EPHA7: variants seen among roughly 807,000 people sequenced by gnomAD.
EPHA7 encodes ephrin type-A receptor 7.
EPHA7 carries 25 observed loss-of-function variants against 112.6 expected under a neutral mutation model. The ratio of observed to expected loss-of-function variants is 0.22; its 90% confidence interval spans 0.16 to 0.31. The LOEUF (loss-of-function observed/expected upper bound fraction) is 0.31, where lower values mean the gene tolerates loss of function less well. Among genes scored for constraint, EPHA7 ranks in the 10% least tolerant of loss-of-function variants. EPHA7 has a pLI of 1.00. For missense variants in EPHA7, 962 were observed against 1,212.6 expected, an observed-to-expected ratio of 0.79 and a Z score of 3.07; for synonymous variants, 437 against 406.5, an observed-to-expected ratio of 1.07 and a Z score of -0.90.
At position 93,419,540 on chromosome 6, in the gene EPHA7, C is replaced by T; in HGVS notation, c.-199G>A. 3 of 470,940 alleles carry T rather than the reference C, an allele frequency of 6.4e-6. No homozygotes were observed. Among genetic ancestry groups the T allele is most frequent in the Non-Finnish European group, 1.1e-5 (3 of 266,434 alleles). The allele number at this position is 470,940 out of a possible 1,614,324, so 29.2% of individuals were successfully genotyped here. Reference sequence around the variant, plus strand: ...TCGCTCGCACCGTGTTTGCTGCCTGCAAGTCTCCGACTGCAGACCGGCCGC... The same window carrying T: ...TCGCTCGCACCGTGTTTGCTGCCTGTAAGTCTCCGACTGCAGACCGGCCGC... On this transcript the variant is annotated 5_prime_UTR_variant, in exon 1 of 17. Transcript: ENST00000369303.
chr6:93,395,416 C>T (rs975650965), intron 3 of EPHA7, among the ~76,000 whole-genome samples: 1 of 151,822 alleles, frequency 6.6e-6, no homozygotes, highest in Non-Finnish European at 1.5e-5. Context: ...GAAAGCCAAA[C>T]GAGCTTGTTC....
At chr6:93,301,549 A>AT (rs779573868) in intron 5 of EPHA7, among the ~76,000 whole-genome samples, 10 of 152,222 alleles carry the variant, frequency 6.6e-5, no homozygotes, top group Non-Finnish European at 1.2e-4. Context: ...TTTAATAGCG[A>AT]TTTTTTTACA....
intron 5 of EPHA7, among the ~76,000 whole-genome samples, chr6:93,289,235 G>A (rs574278584): frequency 4.6e-5 from 7 of 152,222 alleles, no homozygotes; most frequent in South Asian, 2.1e-4. Context: ...CTCTAAGAGG[G>A]AAACATCATT....
At chr6:93,342,721 A>AG (rs1775202531) in intron 5 of EPHA7, among the ~76,000 whole-genome samples, 1 of 151,780 alleles carries the variant, frequency 6.6e-6, no homozygotes, top group African/African-American at 2.4e-5. Flanking sequence ...TCAGTTACCT[A>AG]GAAGGATACT....
intron 5 of EPHA7, among the ~76,000 whole-genome samples, chr6:93,283,888 T>A (rs1312695739): frequency 6.6e-6 from 1 of 152,216 alleles, no homozygotes; most frequent in Non-Finnish European, 1.5e-5. Context: ...ATATATAATA[T>A]GCATCTACTA....
chr6:93,401,529 C>CGT (rs1778438095), intron 3 of EPHA7, among the ~76,000 whole-genome samples: 3 of 151,054 alleles, frequency 2.0e-5, no homozygotes, highest in Non-Finnish European at 4.4e-5. Context: ...GGGTAGAAAA[C>CGT]AAAAAAAATA....
chr6:93,342,030 C>T (rs758088004), intron 5 of EPHA7, among the ~76,000 whole-genome samples: 8 of 151,730 alleles, frequency 5.3e-5, no homozygotes, highest in Non-Finnish European at 1.0e-4. Context: ...GAAGGTCTGT[C>T]TGCCAGCAAT....
intron 3 of EPHA7, among the ~76,000 whole-genome samples, chr6:93,371,110 G>A (rs1776772362): frequency 6.6e-6 from 1 of 151,446 alleles, no homozygotes; most frequent in Non-Finnish European, 1.5e-5. Flanking sequence ...CTTGCAGTGA[G>A]CCCAGATCGC....
intron 5 of EPHA7, among the ~76,000 whole-genome samples, chr6:93,334,361 G>A (rs760595218): frequency 5.3e-5 from 8 of 151,760 alleles, no homozygotes; most frequent in Non-Finnish European, 1.2e-4. Flanking sequence ...TGATGAAGAT[G>A]CCAAAAGCAA....
At position 93,242,872 on chromosome 6, in the gene EPHA7, A is replaced by T. The variant is rs1008882171; in HGVS notation, c.*554T>A. ...TTCTAACAGAGATGTATCTTCAATC[A>T]TGCTATTTCTTTTGAAATTTGAGAT... On this transcript the variant is annotated 3_prime_UTR_variant, in exon 17 of 17. Coordinates refer to ENST00000369303, the MANE Select transcript of EPHA7 (RefSeq NM_004440.4). The T allele has an allele frequency of 9.3e-6, 2 of 214,192 alleles. No homozygotes were observed. Among genetic ancestry groups the T allele is most frequent in the East Asian group, 1.4e-4 (2 of 14,144 alleles). The allele number at this position is 214,192 out of a possible 1,614,324, so 13.3% of individuals were successfully genotyped here.
chr6:93,336,636 T>TCAG (rs1774890883), intron 5 of EPHA7, among the ~76,000 whole-genome samples: 2 of 151,904 alleles, frequency 1.3e-5, no homozygotes, highest in African/African-American at 4.8e-5. Context: ...CTCCTGACCT[T>TCAG]GTGATCTGCC....
intron 1 of EPHA7, among the ~76,000 whole-genome samples, chr6:93,416,502 T>G (rs1339334961): frequency 6.6e-6 from 1 of 152,062 alleles, no homozygotes; most frequent in East Asian, 1.9e-4. Flanking sequence ...CAGACAGCAG[T>G]GATGGCCAAG....
intron 5 of EPHA7, among the ~76,000 whole-genome samples, chr6:93,330,135 T>C (rs866647635): frequency 7.3e-5 from 11 of 151,294 alleles, no homozygotes; most frequent in African/African-American, 1.7e-4. Context: ...ATGGTAATCA[T>C]AGGATGAAAG....
At chr6:93,385,439 T>C (rs570951636) in intron 3 of EPHA7, among the ~76,000 whole-genome samples, 3 of 152,246 alleles carry the variant, frequency 2.0e-5, no homozygotes, top group African/African-American at 7.2e-5. Context: ...CTTCTACATT[T>C]ATAGTAGTAT....
At chr6:93,352,931 AC>A (rs1473206738) in intron 5 of EPHA7, among the ~76,000 whole-genome samples, 2 of 152,062 alleles carry the variant, frequency 1.3e-5, no homozygotes, top group Non-Finnish European at 2.9e-5. Flanking sequence ...ACTGGGGCCT[AC>A]TGTGGGGTGG....
rs1769759153 is a variant in EPHA7 at position 93,243,211 on chromosome 6, A to G, written c.*215T>C. ...TAGTACTTTGTTTATTGTCACTGCT[A>G]TTTTCCTGGCCACCGATGGTGGATC... On this transcript the variant is annotated 3_prime_UTR_variant, in exon 17 of 17. Transcript: ENST00000369303. 2.4e-6 allele frequency: 1 copy of G among 410,086 alleles called. No homozygotes were observed. Among genetic ancestry groups the G allele is most frequent in the South Asian group, 7.5e-5 (1 of 13,290 alleles). 25.4% of individuals were successfully genotyped at this position (410,086 alleles called of 1,614,324 possible).
chr6:93,417,921 G>T (rs760149627), intron 1 of EPHA7, among the ~76,000 whole-genome samples: 2 of 152,040 alleles, frequency 1.3e-5, no homozygotes, highest in East Asian at 1.9e-4. Flanking sequence ...TTTGAGGGGG[G>T]CTTGAGCGAA....
At chr6:93,300,179 G>A (rs1772907241) in intron 5 of EPHA7, among the ~76,000 whole-genome samples, 2 of 152,064 alleles carry the variant, frequency 1.3e-5, no homozygotes, top group Non-Finnish European at 2.9e-5. Flanking sequence ...TGTTTCTCAC[G>A]TGAGAAGCAC....
At chr6:93,264,798 T>C (rs1320614024) in intron 7 of EPHA7, 96 bp from the exon 8 acceptor site, 3 of 579,676 alleles carry the variant, frequency 5.2e-6, no homozygotes, top group Non-Finnish European at 8.4e-6. Flanking sequence ...TTTAATTCTT[T>C]ATAATTTTAA....
Sources: allele counts gnomAD v4.1 joint callset (sites outside exome capture counted in the v4.1 genomes callset), GRCh38; gene constraint gnomAD v4.1.1; transcripts MANE v1.5; gene names NCBI Gene and HGNC (gene_info 2026-07-23, HGNC 2026-07-21).